LRRC69: variants seen among roughly 807,000 people sequenced by gnomAD.
LRRC69 encodes leucine-rich repeat-containing protein 69.
LRRC69 carries 42 observed loss-of-function variants against 37.8 expected under a neutral mutation model. The observed-to-expected ratio is 1.11, with a 90% CI of 0.87 to 1.44. The LOEUF (loss-of-function observed/expected upper bound fraction) is 1.44. Ranked by LOEUF, LRRC69 falls within the 40% of genes most tolerant of loss-of-function variation. The probability of loss-of-function intolerance (pLI) is 0.00; values close to 1 mark genes in which losing one functional copy is unlikely to be tolerated. For missense variants in LRRC69, 357 were observed against 401.9 expected, an observed-to-expected ratio of 0.89 and a Z score of 0.96; for synonymous variants, 141 against 143.1, an observed-to-expected ratio of 0.99 and a Z score of 0.11.
chr8:91,186,750 A>G (rs932193202), intron 5 of LRRC69, among the ~76,000 whole-genome samples: 8 of 152,218 alleles, frequency 5.3e-5, no homozygotes, highest in South Asian at 2.1e-4. Context: ...AAGGCCTCCA[A>G]TGAAGGTGGG....
chr8:91,214,420 T>C (rs1317163756), intron 7 of LRRC69, among the ~76,000 whole-genome samples: 2 of 152,176 alleles, frequency 1.3e-5, no homozygotes, highest in African/African-American at 4.8e-5. Flanking sequence ...ACATGTGCAC[T>C]TTCCAACAAC....
intron 1 of LRRC69, among the ~76,000 whole-genome samples, chr8:91,105,548 T>C (rs981955236): frequency 6.6e-6 from 1 of 150,828 alleles, no homozygotes; most frequent in African/African-American, 2.4e-5. Flanking sequence ...CCAGGCACAG[T>C]GGCACGTGCC....
intron 1 of LRRC69, among the ~76,000 whole-genome samples, chr8:91,121,990 G>T (rs1813631465): frequency 6.6e-6 from 1 of 152,012 alleles, no homozygotes; most frequent in South Asian, 2.1e-4. Flanking sequence ...GACATATGAT[G>T]AAATCTAGTT....
intron 1 of LRRC69, among the ~76,000 whole-genome samples, chr8:91,124,157 C>T (rs1204656720): frequency 6.6e-6 from 1 of 151,890 alleles, no homozygotes; most frequent in Non-Finnish European, 1.5e-5. Flanking sequence ...TTCTATAGGT[C>T]ACAAGGTTCA....
intron 5 of LRRC69, among the ~76,000 whole-genome samples, chr8:91,168,936 A>T (rs1809076533): frequency 6.6e-6 from 1 of 151,952 alleles, no homozygotes; most frequent in African/African-American, 2.4e-5. Flanking sequence ...AGGAATCATA[A>T]TAATGTGAGT....
At chr8:91,160,555 G>A (rs1808921307) in intron 5 of LRRC69, among the ~76,000 whole-genome samples, 2 of 151,152 alleles carry the variant, frequency 1.3e-5, no homozygotes, top group South Asian at 2.1e-4. Context: ...TCTTGTGATA[G>A]TGAGTTCTTA....
chr8:91,163,793 TAAAA>T (rs34829461), intron 5 of LRRC69, among the ~76,000 whole-genome samples: 7,916 of 151,470 alleles, frequency 0.052, 285 homozygotes, highest in Middle Eastern at 0.16. Context: ...AGAAAAAAAT[TAAAA>T]GATTATAGTT....
chr8:91,180,765 G>A (rs565449067), intron 5 of LRRC69, among the ~76,000 whole-genome samples: 4 of 150,816 alleles, frequency 2.7e-5, no homozygotes, highest in African/African-American at 4.9e-5. Context: ...GGGAATGAGG[G>A]TCTGGCATAG....
At position 91,137,560 on chromosome 8, in the gene LRRC69, G is replaced by A. The variant is rs966471806; in HGVS notation, c.651+1821G>A. Among the ~76,000 whole-genome samples the A allele has an allele frequency of 1.4e-4, 22 of 151,986 alleles. No homozygotes were observed. The South Asian group carries it at 1.5e-3, about 10-fold the overall frequency. On this transcript the variant is annotated intron_variant, in intron 5 of 7. Coordinates refer to ENST00000448384, the Ensembl canonical transcript of LRRC69. ...CACCTTCGTAGTCTGTTAATTGACC[G>A]TTTCTTCTATGAAGTGATTCTGTAC...
intron 7 of LRRC69, among the ~76,000 whole-genome samples, chr8:91,211,497 A>G (rs1809917874): frequency 6.6e-6 from 1 of 151,146 alleles, no homozygotes; most frequent in South Asian, 2.1e-4. Context: ...GAAAACATGC[A>G]CAGAATACTT....
At chr8:91,136,752 A>G (rs899212646) in intron 5 of LRRC69, among the ~76,000 whole-genome samples, 1 of 152,044 alleles carries the variant, frequency 6.6e-6, no homozygotes, top group Admixed American at 6.6e-5. Flanking sequence ...TATCTACTAT[A>G]TATCTCTGAA....
At chr8:91,183,995 T>C (rs1809365164) in intron 5 of LRRC69, among the ~76,000 whole-genome samples, 1 of 152,112 alleles carries the variant, frequency 6.6e-6, no homozygotes. Flanking sequence ...TAAAAAAAAA[T>C]TGAGGCTTGG....
intron 6 of LRRC69, among the ~76,000 whole-genome samples, chr8:91,191,200 A>C (rs1276314858): frequency 6.6e-6 from 1 of 152,048 alleles, no homozygotes; most frequent in Non-Finnish European, 1.5e-5. Flanking sequence ...TTTTTTTCAG[A>C]TTCCCTTTCA....
At chr8:91,208,923 C>G (rs905469635) in intron 7 of LRRC69, among the ~76,000 whole-genome samples, 3 of 152,104 alleles carry the variant, frequency 2.0e-5, no homozygotes, top group African/African-American at 7.2e-5. Flanking sequence ...TTTGCTGGTT[C>G]TCTTTCAACC....
intron 5 of LRRC69, among the ~76,000 whole-genome samples, chr8:91,171,169 G>A (rs912276245): frequency 1.3e-5 from 2 of 151,986 alleles, no homozygotes; most frequent in African/African-American, 2.4e-5. Flanking sequence ...AAGAATTTGG[G>A]TTTTATGTTC....
intron 7 of LRRC69, among the ~76,000 whole-genome samples, chr8:91,211,031 A>G (rs1809905173): frequency 6.6e-6 from 1 of 152,184 alleles, no homozygotes; most frequent in Admixed American, 6.5e-5. Context: ...AGCAGCAGCA[A>G]TGAACTGACA....
intron 5 of LRRC69, among the ~76,000 whole-genome samples, chr8:91,187,669 C>G (rs1056033292): frequency 1.3e-5 from 2 of 152,150 alleles, no homozygotes; most frequent in Non-Finnish European, 2.9e-5. Context: ...TGTCTTCATT[C>G]ATACTGATAC....
intron 5 of LRRC69, among the ~76,000 whole-genome samples, chr8:91,155,332 A>T (rs1344815372): frequency 6.6e-6 from 1 of 151,008 alleles, no homozygotes; most frequent in African/African-American, 2.4e-5. Context: ...CCATCTTTTT[A>T]AAAAATTTTT....
intron 5 of LRRC69, among the ~76,000 whole-genome samples, chr8:91,186,748 CA>C (rs1809414924): frequency 6.6e-6 from 1 of 151,788 alleles, no homozygotes; most frequent in African/African-American, 2.4e-5. Context: ...CAAAGGCCTC[CA>C]ATGAAGGTGG....
Sources: allele counts gnomAD v4.1 joint callset (sites outside exome capture counted in the v4.1 genomes callset), GRCh38; gene constraint gnomAD v4.1.1; transcripts MANE v1.5; gene names NCBI Gene and HGNC (gene_info 2026-07-23, HGNC 2026-07-21).